Variants in FSD1L observed in about 807,000 individuals in gnomAD.
FSD1L encodes FSD1-like protein.
A neutral mutation model predicts 71.6 loss-of-function variants in FSD1L; 45 were observed. The observed-to-expected ratio is 0.63, with a 90% confidence interval of 0.49 to 0.81. The LOEUF is 0.81. Among genes scored for constraint, FSD1L ranks in the 30% least tolerant of loss-of-function variants. The pLI is 0.00. For missense variants in FSD1L, 561 were observed against 618.1 expected (o/e 0.91, Z 0.98); for synonymous variants, 197 against 207.2 (o/e 0.95, Z 0.42).
At chr9:105,466,196 T>G (rs1831057346) in intron 3 of FSD1L, among the ~76,000 whole-genome samples, 1 of 152,162 alleles carries the variant, frequency 6.6e-6, no homozygotes, top group African/African-American at 2.4e-5. Flanking sequence ...ATGAAAGATC[T>G]GTATACTGAA....
At position 105,506,393 on chromosome 9, in the gene FSD1L, T is replaced by G; in HGVS notation, c.587-6T>G. 1 of 1,545,838 alleles carries G rather than the reference T, an allele frequency of 6.5e-7. No individual in the cohort carries two copies. Among genetic ancestry groups the G allele is most frequent in the Non-Finnish European group, 8.7e-7 (1 of 1,143,626 alleles). ...AATGAGTCTTTTTTTTTTTTCTTCTTTGCAGTCCCCAAAGCTCCAGAGATA... is the reference window on the plus strand; with the variant it reads ...AATGAGTCTTTTTTTTTTTTCTTCTGTGCAGTCCCCAAAGCTCCAGAGATA... On this transcript the variant is annotated splice_polypyrimidine_tract_variant and splice_region_variant and intron_variant, in intron 7 of 13. Transcript: ENST00000481272.
chr9:105,515,641 C>T (rs1003800275), intron 10 of FSD1L, among the ~76,000 whole-genome samples: 1 of 152,102 alleles, frequency 6.6e-6, no homozygotes, highest in Non-Finnish European at 1.5e-5. Context: ...AGGAACGGTG[C>T]ACTCCGGTTC....
At chr9:105,466,176 A>G (rs1831056152) in intron 3 of FSD1L, among the ~76,000 whole-genome samples, 1 of 152,198 alleles carries the variant, frequency 6.6e-6, no homozygotes, top group Non-Finnish European at 1.5e-5. Flanking sequence ...GAATAAATTT[A>G]CCTAAGGAAA....
At chr9:105,524,032 A>C (rs1407715686) in intron 10 of FSD1L, 18 of 1,602,818 alleles carry the variant, frequency 1.1e-5, no homozygotes, top group Non-Finnish European at 1.5e-5. Context: ...AACATTCCTG[A>C]TGTTGCTGTG....
intron 8 of FSD1L, among the ~76,000 whole-genome samples, chr9:105,508,370 G>C (rs1002798156): frequency 6.6e-6 from 1 of 151,430 alleles, no homozygotes; most frequent in Non-Finnish European, 1.5e-5. Context: ...GTAGAGACCG[G>C]GTTTCACCGT....
intron 10 of FSD1L, chr9:105,530,362 A>G (rs1835813944): frequency 2.2e-5 from 10 of 459,356 alleles, no homozygotes; most frequent in Non-Finnish European, 3.8e-5. Context: ...TTTCTTGCAA[A>G]AGTGACTTAG....
chr9:105,479,332 C>A, intron 5 of FSD1L, 22 bp from the exon 6 acceptor site: 1 of 1,550,334 alleles, frequency 6.5e-7, no homozygotes, highest in Non-Finnish European at 8.7e-7. Context: ...CCTTCTTTCT[C>A]TTCTCCCTGA....
Position 105,481,423 on chromosome 9 carries a change from T to G in FSD1L, c.464+2047T>G, listed in dbSNP as rs373357186. On this transcript the variant is annotated intron_variant, in intron 6 of 13. Transcript: ENST00000481272. ...CCTCAGCCTCCCAAGTAGCTGGGAT[T>G]ACAGGCACCTGCCACCACACCCAGC... Among the ~76,000 whole-genome samples the G allele has an allele frequency of 3.9e-4, 59 of 151,302 alleles. No individual in the cohort carries two copies. The South Asian group carries it at 0.012, about 31-fold the overall frequency.
At chr9:105,523,629 A>T in intron 10 of FSD1L, 13 of 1,609,950 alleles carry the variant, frequency 8.1e-6, no homozygotes, top group Non-Finnish European at 1.1e-5. Flanking sequence ...TCCACTGAGA[A>T]TTCTTACACC....
intron 10 of FSD1L, chr9:105,526,024 T>A: frequency 6.6e-7 from 1 of 1,513,004 alleles, no homozygotes; most frequent in Admixed American, 1.7e-5. Context: ...TCCCACAGAA[T>A]TTGGTGATGT....
At chr9:105,522,986 G>A (rs924951061) in intron 10 of FSD1L, 61 of 1,613,888 alleles carry the variant, frequency 3.8e-5, no homozygotes, top group Non-Finnish European at 4.7e-5. Flanking sequence ...ATAGTCATTC[G>A]GATTCTTTCA....
At chr9:105,468,015 C>A (rs1216900834) in intron 3 of FSD1L, among the ~76,000 whole-genome samples, 178 bp from the exon 4 acceptor site, 1 of 152,124 alleles carries the variant, frequency 6.6e-6, no homozygotes, top group African/African-American at 2.4e-5. Flanking sequence ...CATTAGCGGG[C>A]AGTTTGTTGC....
At position 105,530,693 on chromosome 9, in the gene FSD1L, G is replaced by A. The variant is rs75450160; in HGVS notation, c.1026-3800G>A. 3,562 of 543,508 alleles carry A rather than the reference G, an allele frequency of 6.6e-3. 103 individuals carry two copies. Among genetic ancestry groups the A allele is most frequent in the African/African-American group, 0.063 (3,225 of 51,206 alleles). 33.7% of individuals were successfully genotyped at this position (543,508 alleles called of 1,614,324 possible). On this transcript the variant is annotated intron_variant, in intron 10 of 13. Transcript: ENST00000481272. ...CAGCAGACACTCTGACCACCAGTTG[G>A]GGAGGCAAACTATCAGTGTATTTTG...
At chr9:105,540,532 T>C (rs951825098) in intron 13 of FSD1L, among the ~76,000 whole-genome samples, 1 of 152,178 alleles carries the variant, frequency 6.6e-6, no homozygotes, top group Non-Finnish European at 1.5e-5. Context: ...CTTTACCTTG[T>C]ACATTTAGAT....
chr9:105,520,670 T>G (rs1233308472), intron 10 of FSD1L: 1 of 1,613,340 alleles, frequency 6.2e-7, no homozygotes, highest in Non-Finnish European at 8.5e-7. Flanking sequence ...TGCAAGCTCT[T>G]CAGAATAACT....
chr9:105,509,453 G>A (rs1180853361), intron 9 of FSD1L, among the ~76,000 whole-genome samples: 1 of 152,106 alleles, frequency 6.6e-6, no homozygotes, highest in Non-Finnish European at 1.5e-5. Context: ...CAATTTGAAG[G>A]TTATAATGCT....
intron 1 of FSD1L, among the ~76,000 whole-genome samples, chr9:105,459,977 C>A (rs1457446735): frequency 6.6e-6 from 1 of 152,192 alleles, no homozygotes; most frequent in Admixed American, 6.5e-5. Flanking sequence ...ATTACAGACT[C>A]TCATGCTGTA....
At chr9:105,535,377 A>T in intron 12 of FSD1L, 59 bp downstream of exon 12, 1 of 1,499,022 alleles carries the variant, frequency 6.7e-7, no homozygotes, top group Admixed American at 2.0e-5. Context: ...AGTACCTTTC[A>T]CTGGTAATCA....
At chr9:105,458,608 T>C (rs1588919665) in intron 1 of FSD1L, among the ~76,000 whole-genome samples, 2 of 152,060 alleles carry the variant, frequency 1.3e-5, no homozygotes, top group South Asian at 4.2e-4. Context: ...CAGGAGGAAG[T>C]ATGTGCTGAT....
Sources: gnomAD v4.1 joint callset for allele counts (sites outside exome capture counted in the v4.1 genomes callset) on GRCh38, gnomAD v4.1.1 for gene constraint, MANE v1.5 for transcripts, NCBI Gene and HGNC (gene_info 2026-07-23, HGNC 2026-07-21) for gene names.